Variants in HAAO observed in about 807,000 individuals in gnomAD.
HAAO encodes 3-hydroxyanthranilate oxygenase.
HAAO carries 49 observed loss-of-function variants against 46.2 expected under a neutral mutation model. The ratio of observed to expected loss-of-function variants is 1.06; its 90% CI spans 0.84 to 1.34. The LOEUF (loss-of-function observed/expected upper bound fraction) is 1.34. Ranked by LOEUF, HAAO falls within the 40% of genes most tolerant of loss-of-function variation. The pLI is 0.00. For synonymous variants in HAAO, 157 were observed against 145.2 expected (o/e 1.08, Z -0.58); for missense variants, 408 against 364.5 (o/e 1.12, Z -0.97).
At chr2:42,776,850 T>C (rs1016310546) in intron 4 of HAAO, among the ~76,000 whole-genome samples, 2 of 151,250 alleles carry the variant, frequency 1.3e-5, no homozygotes, top group African/African-American at 4.9e-5. Flanking sequence ...GCCAGGTGGC[T>C]ATTGAACTCC....
chr2:42,788,064 C>T (rs373149967), intron 2 of HAAO, among the ~76,000 whole-genome samples: 4 of 152,144 alleles, frequency 2.6e-5, no homozygotes, highest in Admixed American at 6.5e-5. Context: ...CCACTAGCTC[C>T]TCCTCCCTCA....
At position 42,767,909 on chromosome 2, in the gene HAAO, C is replaced by T; in HGVS notation, c.650G>A (p.Gly217Asp). The change falls in exon 8 of 10, where the codon GGC becomes GAC. Residue 217 changes from glycine to aspartate, a missense_variant. Transcript: ENST00000294973. ...ATTCTGTCTCAGGCCTTCGCTGCTG[C>T]CTTGCCCATAGGCGATCACCTGGTG... Reference protein sequence around the residue: ...YETQVIAYGQGSSEGLRQNVD... With the variant: ...YETQVIAYGQDSSEGLRQNVD... 1 of 1,613,976 alleles carries T rather than the reference C, an allele frequency of 6.2e-7. No individual in the cohort carries two copies. The highest frequency in any genetic ancestry group is 8.5e-7 in the Non-Finnish European group (1 of 1,179,850).
chr2:42,777,303 C>CAAAAAAAAAAAAAAAAA (rs1215772853), intron 4 of HAAO, among the ~76,000 whole-genome samples: 8 of 40,178 alleles, frequency 2.0e-4, no homozygotes, highest in Non-Finnish European at 2.4e-4. Flanking sequence ...ACTCTTATCG[C>CAAAAAAAAAAAAAAAAA]AAAAAAAAAA....
chr2:42,789,775 G>T lies in HAAO; in HGVS notation c.81-1168C>A, dbSNP rs536257189. Among the ~76,000 whole-genome samples the T allele has an allele frequency of 5.3e-5, 8 of 152,330 alleles. No individual in the cohort carries two copies. The East Asian group carries it at 1.3e-3, about 26-fold the overall frequency. On this transcript the variant is annotated intron_variant, in intron 1 of 9. Transcript: ENST00000294973. ...TCCCAAACTCCTCAGTCTTTCTGCTGTTGGTGTGGTGTTACCTTTTTATGC... is the reference window on the plus strand; with the variant it reads ...TCCCAAACTCCTCAGTCTTTCTGCTTTTGGTGTGGTGTTACCTTTTTATGC...
intron 4 of HAAO, among the ~76,000 whole-genome samples, chr2:42,776,231 CTTTTTTTTTTTT>C (rs57398023): frequency 4.2e-5 from 3 of 71,198 alleles, no homozygotes; most frequent in Non-Finnish European, 7.4e-5. Context: ...TGGCATCCAT[CTTTTTTTTTTTT>C]TTTTTTTTTT....
chr2:42,782,235 C>T (rs1168617168), intron 4 of HAAO, among the ~76,000 whole-genome samples: 1 of 152,188 alleles, frequency 6.6e-6, no homozygotes, highest in Non-Finnish European at 1.5e-5. Context: ...ACTTAAACTT[C>T]AGAAGAAAAT....
chr2:42,781,521 G>C lies in HAAO; in HGVS notation c.350+1793C>G, dbSNP rs190695710. Among the ~76,000 whole-genome samples, 525 of 152,284 alleles carry C rather than the reference G, an allele frequency of 3.4e-3. 1 individual carries two copies. The highest frequency in any genetic ancestry group is 5.3e-3 in the Admixed American group (81 of 15,284). ...TTGGCTTTAAAAAAAGGTCTTATCT[G>C]AGATTCCTTCTATGGAACAAAGTTC... On this transcript the variant is annotated intron_variant, in intron 4 of 9. Coordinates refer to ENST00000294973, the MANE Select transcript of HAAO (RefSeq NM_012205.3).
At chr2:42,772,722 C>T (rs1274211654) in intron 4 of HAAO, among the ~76,000 whole-genome samples, 1 of 151,590 alleles carries the variant, frequency 6.6e-6, no homozygotes, top group Non-Finnish European at 1.5e-5. Flanking sequence ...TGTACTTTTC[C>T]AGATTTTGAG....
At chr2:42,789,070 C>T in intron 1 of HAAO, 1 of 187,314 alleles carries the variant, frequency 5.3e-6, no homozygotes, top group Non-Finnish European at 1.1e-5. Flanking sequence ...TCAGTGGATG[C>T]AGGAGACCGT....
intron 6 of HAAO, 64 bp from the exon 7 acceptor site, chr2:42,769,922 C>G: frequency 6.6e-7 from 1 of 1,518,892 alleles, no homozygotes; most frequent in South Asian, 1.3e-5. Context: ...CCCAGTGGGC[C>G]CAGTTCCCAG....
At chr2:42,784,445 G>T (rs1672243169) in intron 2 of HAAO, among the ~76,000 whole-genome samples, 1 of 149,760 alleles carries the variant, frequency 6.7e-6, no homozygotes, top group Admixed American at 6.7e-5. Flanking sequence ...GGGCTGTGGA[G>T]GTTGCTGGCA....
chr2:42,786,364 C>G (rs1222508016), intron 2 of HAAO, among the ~76,000 whole-genome samples: 1 of 152,040 alleles, frequency 6.6e-6, no homozygotes, highest in Non-Finnish European at 1.5e-5. Flanking sequence ...TGTTTGGGAG[C>G]CTGGGGCTGG....
At chr2:42,775,384 C>G (rs1671472423) in intron 4 of HAAO, among the ~76,000 whole-genome samples, 1 of 151,960 alleles carries the variant, frequency 6.6e-6, no homozygotes, top group Non-Finnish European at 1.5e-5. Context: ...CTTTTGCTAG[C>G]CAGGCAAAAC....
chr2:42,773,769 G>A (rs1012707150), intron 4 of HAAO, among the ~76,000 whole-genome samples: 1 of 152,060 alleles, frequency 6.6e-6, no homozygotes, highest in African/African-American at 2.4e-5. Context: ...TGTATTTTTA[G>A]TAGAAATGGG....
intron 4 of HAAO, chr2:42,782,991 C>G: frequency 2.8e-6 from 1 of 350,880 alleles, no homozygotes; most frequent in Non-Finnish European, 4.8e-6. Flanking sequence ...GCAAAACAAA[C>G]TTTTAAATTA....
intron 4 of HAAO, among the ~76,000 whole-genome samples, chr2:42,772,770 A>C (rs918304687): frequency 2.6e-5 from 4 of 152,114 alleles, no homozygotes; most frequent in Non-Finnish European, 4.4e-5. Context: ...GAAAAACAAC[A>C]CGTATTTTAA....
At position 42,783,396 on chromosome 2, in the gene HAAO, G is replaced by A. The variant is rs1179263312; in HGVS notation, c.268C>T (p.Pro90Ser). ...GEIFLLPARVPHSPQRFANTV... is the reference protein window; with the variant it reads ...GEIFLLPARVSHSPQRFANTV... ...TTGGCAAACCTCTGTGGTGAGTGGG[G>A]CACCCTGGCAGGCAGGAGGAATATC... Residue 90 changes from proline to serine, a missense_variant, in exon 4 of 10, where the codon CCC (proline) becomes TCC (serine). Coordinates refer to ENST00000294973, the MANE Select transcript of HAAO (RefSeq NM_012205.3). 1 of 1,611,964 alleles carries A rather than the reference G, an allele frequency of 6.2e-7. No individual in the cohort carries two copies. Among genetic ancestry groups the A allele is most frequent in the East Asian group, 2.2e-5 (1 of 44,854 alleles).
Position 42,788,570 on chromosome 2 carries a change from G to A in HAAO, c.118C>T (p.Pro40Ser), listed in dbSNP as rs1454175501. The A allele has an allele frequency of 1.9e-6, 3 of 1,606,588 alleles. No homozygotes were observed. The highest frequency in any genetic ancestry group is 2.6e-6 in the Non-Finnish European group (3 of 1,173,304). ...EQLKVMFIGG[P>S]NTRKDYHIEE... ...ATGTGATAGTCCTTCCTGGTGTTGG[G>A]GCCTCCGATGAACATGACTTTGAGC... is the stretch of plus-strand genomic sequence containing the variant. The change falls in exon 2 of 10, where the codon CCC becomes TCC. Residue 40 changes from proline (P) to serine (S), a missense_variant. Transcript: ENST00000294973.
At position 42,777,184 on chromosome 2, in the gene HAAO, T is replaced by C. The variant is rs375514016; in HGVS notation, c.350+6130A>G. On this transcript the variant is annotated intron_variant, in intron 4 of 9. Transcript: ENST00000294973. ...TGGGTGTGGTTGTGGGCGCCTGCAA[T>C]CCCAGCTACTTGGGAGGCTGAGGCA... Among the ~76,000 whole-genome samples, 9 of 150,360 alleles carry C rather than the reference T, an allele frequency of 6.0e-5. No homozygotes were observed. In the East Asian group the frequency reaches 1.8e-3, roughly 30 times the overall value.
Sources: allele counts gnomAD v4.1 joint callset (sites outside exome capture counted in the v4.1 genomes callset), GRCh38; gene constraint gnomAD v4.1.1; transcripts MANE v1.5; gene names NCBI Gene and HGNC (gene_info 2026-07-23, HGNC 2026-07-21).